ABI3BP: variants seen among roughly 807,000 people sequenced by gnomAD.
ABI3BP encodes target of Nesh-SH3.
A neutral mutation model predicts 268.6 loss-of-function variants in ABI3BP; 216 were observed. That is an observed-to-expected ratio of 0.80 (90% CI 0.72 to 0.90). ABI3BP has a LOEUF of 0.90. ABI3BP is among the 40% of genes least tolerant of loss of function. ABI3BP has a pLI of 0.00. For synonymous variants in ABI3BP, 730 were observed against 730.0 expected, an observed-to-expected ratio of 1.00 and a Z score of 0.00; for missense variants, 2,090 against 2,182.4, an observed-to-expected ratio of 0.96 and a Z score of 0.84.
intron 14 of ABI3BP, among the ~76,000 whole-genome samples, chr3:100,861,696 GAA>G (rs5851228): frequency 1.8e-4 from 26 of 142,688 alleles, no homozygotes; most frequent in South Asian, 4.5e-4. Flanking sequence ...TTCTCCACAG[GAA>G]AAAAAAAAAA....
chr3:100,857,723 A>G (rs186975575), intron 14 of ABI3BP, among the ~76,000 whole-genome samples: 23 of 152,344 alleles, frequency 1.5e-4, no homozygotes, highest in Admixed American at 8.5e-4. Flanking sequence ...AAAGAAATGA[A>G]TGAGCCTAAT....
At chr3:100,931,346 AGCAATC>A (rs2063563769) in intron 1 of ABI3BP, among the ~76,000 whole-genome samples, 1 of 151,522 alleles carries the variant, frequency 6.6e-6, no homozygotes, top group Non-Finnish European at 1.5e-5. Flanking sequence ...TCTTAGCTAG[AGCAATC>A]AGGAAAGAGA....
intron 45 of ABI3BP, among the ~76,000 whole-genome samples, chr3:100,813,226 T>C (rs2097909292): frequency 6.6e-6 from 1 of 152,184 alleles, no homozygotes; most frequent in Admixed American, 6.5e-5. Context: ...GTTCACATTA[T>C]TTTTGTGGAA....
chr3:100,795,282 T>C (rs771076252), intron 53 of ABI3BP, among the ~76,000 whole-genome samples: 36 of 152,004 alleles, frequency 2.4e-4, no homozygotes, highest in Admixed American at 5.9e-4. Context: ...CCTGGACTAT[T>C]GGCTGTAGCT....
At chr3:100,842,083 C>A in intron 20 of ABI3BP, 44 bp from the exon 21 acceptor site, 2 of 1,450,808 alleles carry the variant, frequency 1.4e-6, no homozygotes, top group South Asian at 1.2e-5. Flanking sequence ...CTGAAGAGCA[C>A]CATCTGAGAT....
At chr3:100,884,691 T>C (rs1308687104) in intron 6 of ABI3BP, among the ~76,000 whole-genome samples, 2 of 152,000 alleles carry the variant, frequency 1.3e-5, no homozygotes, top group African/African-American at 4.8e-5. Context: ...CCACCCACAA[T>C]AGTCTTTGCA....
chr3:100,791,748 T>C (rs1461515253), intron 55 of ABI3BP, among the ~76,000 whole-genome samples: 1 of 151,898 alleles, frequency 6.6e-6, no homozygotes, highest in Non-Finnish European at 1.5e-5. Context: ...AAAAAAGATT[T>C]AGAAAATTTA....
chr3:100,824,398 T>A (rs1213877206), intron 36 of ABI3BP, among the ~76,000 whole-genome samples: 1 of 152,152 alleles, frequency 6.6e-6, no homozygotes, highest in Non-Finnish European at 1.5e-5. Context: ...AACACAAAGA[T>A]CATTGCTTTA....
chr3:100,948,650 T>C (rs992656135), intron 1 of ABI3BP, among the ~76,000 whole-genome samples: 1 of 152,158 alleles, frequency 6.6e-6, no homozygotes, highest in Non-Finnish European at 1.5e-5. Context: ...GGTGGCACAT[T>C]TTCATCTCCC....
chr3:100,788,270 C>G (rs1394794319), intron 56 of ABI3BP, among the ~76,000 whole-genome samples: 1 of 152,130 alleles, frequency 6.6e-6, no homozygotes, highest in Non-Finnish European at 1.5e-5. Context: ...AGTCCTTTCA[C>G]AAAGTCCATT....
intron 31 of ABI3BP, among the ~76,000 whole-genome samples, chr3:100,832,011 T>C (rs2098502783): frequency 6.6e-6 from 1 of 152,078 alleles, no homozygotes; most frequent in Non-Finnish European, 1.5e-5. Flanking sequence ...TTGTGCTGGC[T>C]CAATACTGAG....
intron 2 of ABI3BP, among the ~76,000 whole-genome samples, chr3:100,905,754 G>C (rs181570495): frequency 2.0e-5 from 3 of 152,028 alleles, no homozygotes; most frequent in Non-Finnish European, 4.4e-5. Flanking sequence ...AGGCCCTTAC[G>C]TTTGCATTTA....
chr3:100,880,349 C>G lies in ABI3BP; in HGVS notation c.697-3789G>C, dbSNP rs73137251. ...TTTCCCTACAGCTTGCCGATTCCCC[C>G]ATTCTTGCTGCAAACCTCTACCGCT... On this transcript the variant is annotated intron_variant, in intron 6 of 67. Coordinates refer to ENST00000471714, the MANE Select transcript of ABI3BP (RefSeq NM_001375547.2). Among the ~76,000 whole-genome samples, 938 of 152,296 alleles carry G rather than the reference C, an allele frequency of 6.2e-3. 5 individuals carry two copies. Among genetic ancestry groups the G allele is most frequent in the Non-Finnish European group, 9.7e-3 (658 of 68,030 alleles).
chr3:100,947,196 C>T (rs1469843500), intron 1 of ABI3BP, among the ~76,000 whole-genome samples: 2 of 151,984 alleles, frequency 1.3e-5, no homozygotes, highest in African/African-American at 2.4e-5. Context: ...TCATTAATAA[C>T]ATCTCTGATG....
intron 4 of ABI3BP, among the ~76,000 whole-genome samples, chr3:100,893,894 G>C (rs2045941317): frequency 6.6e-6 from 1 of 152,142 alleles, no homozygotes; most frequent in Non-Finnish European, 1.5e-5. Context: ...ACTGTCTGAA[G>C]TCAGAATTGT....
intron 57 of ABI3BP, among the ~76,000 whole-genome samples, chr3:100,786,889 A>C (rs2097065565): frequency 6.6e-6 from 1 of 152,184 alleles, no homozygotes; most frequent in Non-Finnish European, 1.5e-5. Context: ...AATCAAGTAC[A>C]AAAAGCACAT....
intron 1 of ABI3BP, among the ~76,000 whole-genome samples, chr3:100,980,226 A>G (rs1482940799): frequency 2.6e-5 from 4 of 152,108 alleles, no homozygotes; most frequent in Admixed American, 1.3e-4. Flanking sequence ...TAGGACTTTC[A>G]TCTATTTCTT....
chr3:100,767,993 C>T (rs1451860233), intron 62 of ABI3BP, among the ~76,000 whole-genome samples: 1 of 151,846 alleles, frequency 6.6e-6, no homozygotes, highest in Non-Finnish European at 1.5e-5. Flanking sequence ...GGACATTCCT[C>T]AACTGTATGA....
rs916675167 is a variant in ABI3BP at position 100,810,452 on chromosome 3, A to G, written c.3567T>C (p.Ser1189=). 26 of 1,534,926 alleles carry G rather than the reference A, an allele frequency of 1.7e-5. No individual in the cohort carries two copies. The highest frequency in any genetic ancestry group is 2.2e-5 in the Non-Finnish European group (25 of 1,146,156). The change falls in exon 49 of 68, where the codon TCT becomes TCC. Residue 1189 remains serine, a synonymous_variant. Transcript: ENST00000471714. The part of the protein sequence containing the change: ...TLETSPLPSQ[S]ITLPSPDEPQ... ...GCTCATCTGGGCTGGGTAGGGTTATAGATTGAGAAGGCAGAGGCGACGTTT... is the reference window on the plus strand; with the variant it reads ...GCTCATCTGGGCTGGGTAGGGTTATGGATTGAGAAGGCAGAGGCGACGTTT...
Sources: gnomAD v4.1 joint callset for allele counts (sites outside exome capture counted in the v4.1 genomes callset) on GRCh38, gnomAD v4.1.1 for gene constraint, MANE v1.5 for transcripts, NCBI Gene and HGNC (gene_info 2026-07-23, HGNC 2026-07-21) for gene names.